Variants in LYN observed in about 807,000 individuals in gnomAD.
LYN encodes the protein LYN proto-oncogene, Src family tyrosine kinase, also known as tyrosine-protein kinase Lyn.
In LYN, 12 loss-of-function variants were observed where a neutral mutation model predicts 65.0. That is an observed-to-expected ratio of 0.18 (90% confidence interval 0.12 to 0.30). LYN has a LOEUF of 0.30. LYN is among the 10% of genes least tolerant of loss of function. The pLI is 1.00. For missense variants in LYN, 380 were observed against 623.2 expected (o/e 0.61, Z 4.16); for synonymous variants, 222 against 221.2 (o/e 1.00, Z -0.03).
intron 1 of LYN, among the ~76,000 whole-genome samples, chr8:55,895,965 C>T (rs1290238150): frequency 6.6e-6 from 1 of 152,168 alleles, no homozygotes; most frequent in East Asian, 1.9e-4. Flanking sequence ...ATCACCAGTC[C>T]TGTGGGGAAG....
chr8:55,914,698 A>G (rs1177228711), intron 1 of LYN, among the ~76,000 whole-genome samples: 1 of 152,142 alleles, frequency 6.6e-6, no homozygotes, highest in Non-Finnish European at 1.5e-5. Context: ...AGCCTCGCTC[A>G]CCTTACCCTT....
intron 10 of LYN, among the ~76,000 whole-genome samples, chr8:55,989,699 C>T (rs529411971): frequency 6.6e-6 from 1 of 152,178 alleles, no homozygotes; most frequent in Admixed American, 6.5e-5. Flanking sequence ...TGAGACAGGT[C>T]TCCATCAATT....
At chr8:55,948,075 G>C (rs1167956569) in intron 4 of LYN, among the ~76,000 whole-genome samples, 3 of 152,092 alleles carry the variant, frequency 2.0e-5, no homozygotes, top group Non-Finnish European at 2.9e-5. Flanking sequence ...CTAGGCTAAA[G>C]CAATCCTCTC....
intron 10 of LYN, among the ~76,000 whole-genome samples, chr8:55,984,861 C>G (rs1808032681): frequency 6.6e-6 from 1 of 152,222 alleles, no homozygotes. Context: ...AGAAGTTACT[C>G]CTTTTCATAC....
intron 1 of LYN, among the ~76,000 whole-genome samples, chr8:55,915,355 A>T (rs541084528): frequency 1.3e-5 from 2 of 152,184 alleles, no homozygotes; most frequent in African/African-American, 2.4e-5. Context: ...TAAACTCTTT[A>T]AAAAAATACT....
At chr8:55,956,772 C>T (rs911451269) in intron 8 of LYN, among the ~76,000 whole-genome samples, 7 of 152,192 alleles carry the variant, frequency 4.6e-5, no homozygotes, top group Non-Finnish European at 8.8e-5. Context: ...CCCGGCTTCT[C>T]CGTCTGTTCA....
intron 1 of LYN, among the ~76,000 whole-genome samples, chr8:55,919,022 C>CAAAAAAAA (rs35663372): frequency 1.6e-5 from 1 of 62,746 alleles, no homozygotes; most frequent in Non-Finnish European, 2.8e-5. Context: ...CCTGTCTCTA[C>CAAAAAAAA]AAAAAAAAAA....
intron 1 of LYN, among the ~76,000 whole-genome samples, chr8:55,889,992 C>G (rs113093211): frequency 3.1e-4 from 47 of 151,830 alleles, no homozygotes; most frequent in African/African-American, 1.0e-3. Flanking sequence ...AAGCAAGTTG[C>G]TTAGCTGGGT....
At chr8:55,906,369 CAG>C (rs1446247092) in intron 1 of LYN, among the ~76,000 whole-genome samples, 1 of 151,374 alleles carries the variant, frequency 6.6e-6, no homozygotes, top group African/African-American at 2.4e-5. Flanking sequence ...TTGTTTTTGA[CAG>C]AGTTTCAATC....
At chr8:55,975,976 G>A (rs1194787176) in intron 10 of LYN, among the ~76,000 whole-genome samples, 1 of 152,116 alleles carries the variant, frequency 6.6e-6, no homozygotes, top group East Asian at 1.9e-4. Flanking sequence ...CTGCAGGCAA[G>A]ATCTGTCTCT....
At chr8:56,005,597 T>C (rs1808651559) in intron 12 of LYN, among the ~76,000 whole-genome samples, 1 of 152,246 alleles carries the variant, frequency 6.6e-6, no homozygotes, top group East Asian at 1.9e-4. Context: ...CTCAGACCAC[T>C]TCTTCCTCTG....
At chr8:55,945,946 C>T (rs1806763609) in intron 2 of LYN, among the ~76,000 whole-genome samples, 2 of 152,202 alleles carry the variant, frequency 1.3e-5, no homozygotes, top group Admixed American at 1.3e-4. Flanking sequence ...CCGTCTCCAT[C>T]CTGCTGCCGC....
intron 9 of LYN, among the ~76,000 whole-genome samples, chr8:55,969,091 G>A (rs1305314810): frequency 6.6e-6 from 1 of 152,102 alleles, no homozygotes; most frequent in African/African-American, 2.4e-5. Flanking sequence ...GACCAGCCTG[G>A]GCAACATGGT....
intron 1 of LYN, among the ~76,000 whole-genome samples, chr8:55,902,108 A>G (rs192019784): frequency 3.9e-5 from 6 of 152,092 alleles, no homozygotes; most frequent in Admixed American, 3.9e-4. Context: ...CCTGGGTTCA[A>G]GCAATTCTCC....
At chr8:55,951,413 C>T (rs1806943120) in intron 6 of LYN, among the ~76,000 whole-genome samples, 2 of 151,980 alleles carry the variant, frequency 1.3e-5, no homozygotes, top group African/African-American at 2.4e-5. Context: ...GGCCTGTAAT[C>T]CCAATGCTTT....
At chr8:55,921,133 A>G (rs1006715275) in intron 1 of LYN, among the ~76,000 whole-genome samples, 7 of 152,256 alleles carry the variant, frequency 4.6e-5, no homozygotes, top group African/African-American at 1.7e-4. Context: ...GTTAACATTT[A>G]TTAATCATCT....
In LYN at chr8:56,012,021, A is replaced by G. The variant is rs1392671122; in HGVS notation, c.*1911A>G. ...TTATTTAAAGAAAATTATTAAATTT[A>G]TCTTCGCCTTGTTTTGCTTCTCCCA... On this transcript the variant is annotated 3_prime_UTR_variant, in exon 13 of 13. Coordinates refer to ENST00000519728, the MANE Select transcript of LYN (RefSeq NM_002350.4). 5.3e-6 allele frequency: 1 copy of G among 189,244 alleles called. No individual in the cohort carries two copies. The highest frequency in any genetic ancestry group is 1.1e-5 in the Non-Finnish European group (1 of 90,142). 11.7% of individuals were successfully genotyped at this position (189,244 alleles called of 1,614,324 possible).
At chr8:55,939,589 C>CA (rs1212573460) in intron 1 of LYN, among the ~76,000 whole-genome samples, 1 of 152,128 alleles carries the variant, frequency 6.6e-6, no homozygotes, top group African/African-American at 2.4e-5. Flanking sequence ...AGTCAGGGCT[C>CA]GGTCCGTGCT....
intron 1 of LYN, among the ~76,000 whole-genome samples, chr8:55,906,815 A>G (rs546231913): frequency 3.3e-5 from 5 of 152,294 alleles, no homozygotes; most frequent in African/African-American, 1.2e-4. Context: ...GTAAGCCTCC[A>G]GATGAAGGAA....
Sources: gnomAD v4.1 joint callset for allele counts (sites outside exome capture counted in the v4.1 genomes callset) on GRCh38, gnomAD v4.1.1 for gene constraint, MANE v1.5 for transcripts, NCBI Gene and HGNC (gene_info 2026-07-23, HGNC 2026-07-21) for gene names.